Variants in ZNF547 observed in about 807,000 individuals in gnomAD.
The protein encoded by ZNF547 is zinc finger protein 547.
Under a neutral mutation model 7.7 loss-of-function variants are expected in ZNF547, and 4 were observed. The observed-to-expected ratio is 0.52, with a 90% CI of 0.26 to 1.20. ZNF547 has a LOEUF of 1.20. Among genes scored for constraint, ZNF547 ranks in the 50% most tolerant of loss-of-function variants. The probability of loss-of-function intolerance (pLI) is 0.14; values close to 1 mark genes in which losing one functional copy is unlikely to be tolerated. For missense variants in ZNF547, 449 were observed against 485.8 expected, an observed-to-expected ratio of 0.92 and a Z score of 0.71; for synonymous variants, 166 against 166.2, an observed-to-expected ratio of 1.00 and a Z score of 0.01.
Position 57,377,747 on chromosome 19 carries a change from A to G in ZNF547, c.771A>G (p.Thr257=). 6.2e-7 allele frequency: 1 copy of G among 1,614,110 alleles called. No individual in the cohort carries two copies. The highest frequency in any genetic ancestry group is 1.1e-5 in the South Asian group (1 of 91,078). The change falls in exon 4 of 4, where the codon ACA becomes ACG. Residue 257 remains threonine, a synonymous_variant. Coordinates refer to ENST00000282282, the MANE Select transcript of ZNF547 (RefSeq NM_173631.4). ...KLFMWSSTLI[T]HQRVHTGKRP... ...TTATGTGGAGTTCCACACTCATTAC[A>G]CATCAGAGGGTTCACACTGGAAAGA...
chr19:57,368,288 C>A, intron 1 of ZNF547: 1 of 447,218 alleles, frequency 2.2e-6, no homozygotes, highest in Non-Finnish European at 4.0e-6. Flanking sequence ...GTGTTTGACA[C>A]CGGTAAGAGT....
At chr19:57,366,947 G>A (rs2088474591) in intron 1 of ZNF547, among the ~76,000 whole-genome samples, 1 of 152,178 alleles carries the variant, frequency 6.6e-6, no homozygotes, top group Non-Finnish European at 1.5e-5. Flanking sequence ...CAGAGGCTAG[G>A]AATAGTGATC....
At chr19:57,377,105 C>T in intron 3 of ZNF547, 23 bp from the exon 4 acceptor site, 1 of 1,599,698 alleles carries the variant, frequency 6.3e-7, no homozygotes. Context: ...ACATGCACCT[C>T]ACCAGCATTT....
intron 1 of ZNF547, chr19:57,365,157 A>C: frequency 6.3e-7 from 1 of 1,596,148 alleles, no homozygotes; most frequent in Non-Finnish European, 8.5e-7. Context: ...TATATATAAA[A>C]TTTTCAATGA....
intron 1 of ZNF547, among the ~76,000 whole-genome samples, chr19:57,366,170 A>G (rs972616602): frequency 6.7e-6 from 1 of 149,486 alleles, no homozygotes; most frequent in African/African-American, 2.5e-5. Context: ...GCCATGAAAT[A>G]TTTTTTACTT....
At chr19:57,376,855 C>G (rs1461851525) in intron 3 of ZNF547, among the ~76,000 whole-genome samples, 3 of 152,148 alleles carry the variant, frequency 2.0e-5, no homozygotes, top group African/African-American at 7.2e-5. Flanking sequence ...AGGCAAAACT[C>G]TTGGTGGGCT....
At chr19:57,369,539 C>A (rs143923935) in intron 2 of ZNF547, among the ~76,000 whole-genome samples, 1 of 152,006 alleles carries the variant, frequency 6.6e-6, no homozygotes, top group Non-Finnish European at 1.5e-5. Flanking sequence ...GTGACAGCAT[C>A]TCTAGGTTAT....
At chr19:57,367,244 T>C (rs1443706029) in intron 1 of ZNF547, among the ~76,000 whole-genome samples, 2 of 152,200 alleles carry the variant, frequency 1.3e-5, no homozygotes. Context: ...GATCTTACTG[T>C]AAAATAGTAA....
chr19:57,377,714 G>C lies in ZNF547; in HGVS notation c.738G>C (p.Gly246=), dbSNP rs761791459. 2 of 1,614,202 alleles carry C rather than the reference G, an allele frequency of 1.2e-6. No homozygotes were observed. Among genetic ancestry groups the C allele is most frequent in the Admixed American group, 1.7e-5 (1 of 60,026 alleles). ...GERPYECSEC[G]KLFMWSSTLI... is the part of the protein sequence containing the mutation. ...GGCCTTATGAGTGCAGTGAATGTGGGAAATTGTTTATGTGGAGTTCCACAC... is the reference window on the plus strand; with the variant it reads ...GGCCTTATGAGTGCAGTGAATGTGGCAAATTGTTTATGTGGAGTTCCACAC... Residue 246 remains glycine (G), a synonymous_variant, in exon 4 of 4, where the codon GGG becomes GGC. Transcript: ENST00000282282.
At chr19:57,369,103 T>C (rs899798741) in intron 2 of ZNF547, among the ~76,000 whole-genome samples, 1 of 152,054 alleles carries the variant, frequency 6.6e-6, no homozygotes, top group African/African-American at 2.4e-5. Flanking sequence ...TAAGGAACTT[T>C]CTTTGGCGTC....
At chr19:57,365,531 G>T in intron 1 of ZNF547, among the ~76,000 whole-genome samples, 1 of 143,466 alleles carries the variant, frequency 7.0e-6, no homozygotes, top group African/African-American at 2.6e-5. Context: ...TTTTTGAGAC[G>T]GAGTTTTGCT....
intron 3 of ZNF547, among the ~76,000 whole-genome samples, chr19:57,375,410 G>C (rs769957210): frequency 4.4e-4 from 60 of 136,528 alleles, no homozygotes; most frequent in Middle Eastern, 3.6e-3. Context: ...CAGCACCTTG[G>C]GGGGGCTGAG....
chr19:57,365,700 A>G (rs10421839), intron 1 of ZNF547, among the ~76,000 whole-genome samples: 7,272 of 151,330 alleles, frequency 0.048, 543 homozygotes, highest in African/African-American at 0.17. Flanking sequence ...GTAGAGACGG[A>G]GTTTCGCCAT....
At chr19:57,367,837 C>T (rs1320541272) in intron 1 of ZNF547, among the ~76,000 whole-genome samples, 1 of 152,206 alleles carries the variant, frequency 6.6e-6, no homozygotes, top group Non-Finnish European at 1.5e-5. Flanking sequence ...CTCCACATAT[C>T]AAGGCAAGAT....
intron 3 of ZNF547, among the ~76,000 whole-genome samples, chr19:57,376,566 T>A (rs1007981535): frequency 6.6e-6 from 1 of 152,182 alleles, no homozygotes; most frequent in Admixed American, 6.5e-5. Flanking sequence ...TATAAGTGAT[T>A]AACTTCTCTG....
intron 3 of ZNF547, among the ~76,000 whole-genome samples, chr19:57,374,514 A>G (rs73634636): frequency 0.091 from 13,746 of 151,830 alleles, 1,686 homozygotes; most frequent in African/African-American, 0.28. Flanking sequence ...TTAACATTCC[A>G]CTCCTCGTTA....
At position 57,378,347 on chromosome 19, in the gene ZNF547, G is replaced by A. The variant is rs915556398; in HGVS notation, c.*162G>A. 2 of 749,522 alleles carry A rather than the reference G, an allele frequency of 2.7e-6. No homozygotes were observed. 46.4% of individuals were successfully genotyped at this position (749,522 alleles called of 1,614,324 possible). On this transcript the variant is annotated 3_prime_UTR_variant, in exon 4 of 4. Transcript: ENST00000282282. ...TATGTATCAGAGAATTCACACTGCA[G>A]AAATGTGTGTTCAGCAAACTCGGGA...
Position 57,368,569 on chromosome 19 carries a change from AC to A in ZNF547, c.17del (p.Pro6LeufsTer34), listed in dbSNP as rs776783085. ...GGTCCCCTGGCGATGGCAGAAATGA[AC>A]CCTGCACAGGTGAGTGGAGTGTTTT... The part of the protein sequence containing the change: MAEM[N>X]PAQGHVVFED... On this transcript the variant is annotated frameshift_variant, in exon 2 of 4. Coordinates refer to ENST00000282282, the MANE Select transcript of ZNF547 (RefSeq NM_173631.4). LOFTEE classifies it high-confidence loss of function. 1 of 1,614,126 alleles carries A rather than the reference AC, an allele frequency of 6.2e-7. No homozygotes were observed. The highest frequency in any genetic ancestry group is 1.7e-5 in the Admixed American group (1 of 60,016).
chr19:57,377,553 T>G lies in ZNF547; in HGVS notation c.577T>G (p.Phe193Val). ...TAAGTGCAGCAAATGTGGGATATTG[T>G]TTATGGAAAGGTCCACACTCAATAG... ...TYKCSKCGILFMERSTLNRHQ... is the reference protein window; with the variant it reads ...TYKCSKCGILVMERSTLNRHQ... Residue 193 changes from phenylalanine to valine, a missense_variant, in exon 4 of 4, where the codon TTT (phenylalanine) becomes GTT (valine). Transcript: ENST00000282282. 6.2e-7 allele frequency: 1 copy of G among 1,614,190 alleles called. No individual in the cohort carries two copies. The highest frequency in any genetic ancestry group is 8.5e-7 in the Non-Finnish European group (1 of 1,180,042).
Sources: allele counts gnomAD v4.1 joint callset (sites outside exome capture counted in the v4.1 genomes callset), GRCh38; gene constraint gnomAD v4.1.1; transcripts MANE v1.5; gene names NCBI Gene and HGNC (gene_info 2026-07-23, HGNC 2026-07-21).